The following RALYL variants were observed in gnomAD, a reference collection of about 807,000 sequenced individuals.
RALYL encodes RNA-binding Raly-like protein.
A neutral mutation model predicts 35.1 loss-of-function variants in RALYL; 29 were observed. The observed-to-expected ratio is 0.83, with a 90% CI of 0.61 to 1.13. The LOEUF is 1.13. Ranked by LOEUF, RALYL falls within the 50% of genes most tolerant of loss-of-function variation. RALYL has a pLI of 0.00. For missense variants in RALYL, 359 were observed against 360.4 expected, an observed-to-expected ratio of 1.00 and a Z score of 0.03; for synonymous variants, 120 against 127.6, an observed-to-expected ratio of 0.94 and a Z score of 0.40.
intron 1 of RALYL, among the ~76,000 whole-genome samples, chr8:84,220,148 T>C (rs1271370334): frequency 1.3e-5 from 2 of 152,046 alleles, no homozygotes; most frequent in Non-Finnish European, 2.9e-5. Flanking sequence ...GGTAATATAG[T>C]GCTCACTCCT....
intron 2 of RALYL, among the ~76,000 whole-genome samples, chr8:84,759,133 C>T (rs957373421): frequency 4.6e-5 from 7 of 152,168 alleles, no homozygotes; most frequent in African/African-American, 4.8e-5. Flanking sequence ...CTCTTCCAAA[C>T]GTAAAGACAC....
At chr8:84,287,981 C>T (rs1181532366) in intron 1 of RALYL, among the ~76,000 whole-genome samples, 1 of 151,958 alleles carries the variant, frequency 6.6e-6, no homozygotes, top group Non-Finnish European at 1.5e-5. Context: ...CAGAGCTGTG[C>T]AAAGAAAGAA....
chr8:84,213,223 T>C (rs2131195352), intron 1 of RALYL, among the ~76,000 whole-genome samples: 1 of 152,266 alleles, frequency 6.6e-6, no homozygotes, highest in South Asian at 2.1e-4. Flanking sequence ...AAACCCCATC[T>C]GTACTAAAAG....
chr8:84,725,141 T>A (rs1844700369), intron 2 of RALYL, among the ~76,000 whole-genome samples: 1 of 151,668 alleles, frequency 6.6e-6, no homozygotes, highest in Admixed American at 6.6e-5. Flanking sequence ...TTTTTAATTA[T>A]CTTAGTACCA....
intron 1 of RALYL, among the ~76,000 whole-genome samples, chr8:84,355,791 A>G (rs1018243276): frequency 1.3e-5 from 2 of 150,242 alleles, no homozygotes; most frequent in Non-Finnish European, 3.0e-5. Flanking sequence ...TCTGATTAGA[A>G]GTTGGAGGTG....
chr8:84,814,969 G>T (rs1048083682), intron 4 of RALYL, among the ~76,000 whole-genome samples: 2 of 152,192 alleles, frequency 1.3e-5, no homozygotes, highest in African/African-American at 2.4e-5. Flanking sequence ...TACCAGTGGG[G>T]CCTGGGAGCC....
chr8:84,227,410 C>T (rs1824205874), intron 1 of RALYL, among the ~76,000 whole-genome samples: 1 of 152,090 alleles, frequency 6.6e-6, no homozygotes, highest in African/African-American at 2.4e-5. Flanking sequence ...TTGAAAGCCA[C>T]TGTTCTAGGT....
chr8:84,633,673 C>T (rs1256611660), intron 2 of RALYL, among the ~76,000 whole-genome samples: 1 of 151,772 alleles, frequency 6.6e-6, no homozygotes, highest in South Asian at 2.1e-4. Context: ...TTACATATGA[C>T]ATTTGGGAAA....
chr8:84,862,493 G>C, intron 6 of RALYL, 40 bp downstream of exon 6: 1 of 1,474,764 alleles, frequency 6.8e-7, no homozygotes, highest in South Asian at 1.4e-5. Flanking sequence ...TTAAAGAAGG[G>C]AGTGATTAAC....
At chr8:84,827,350 A>G (rs1212615276) in intron 4 of RALYL, among the ~76,000 whole-genome samples, 2 of 152,144 alleles carry the variant, frequency 1.3e-5, no homozygotes, top group Non-Finnish European at 2.9e-5. Context: ...GACCCAAACT[A>G]AAACAGTTTA....
intron 2 of RALYL, among the ~76,000 whole-genome samples, chr8:84,662,004 T>C (rs752444202): frequency 1.4e-4 from 22 of 152,154 alleles, no homozygotes; most frequent in Non-Finnish European, 2.8e-4. Context: ...AGGTAGCTTT[T>C]CTCATAATCT....
intron 1 of RALYL, among the ~76,000 whole-genome samples, chr8:84,471,296 C>T (rs1212138038): frequency 6.6e-6 from 1 of 152,004 alleles, no homozygotes. Flanking sequence ...ACAACAACAA[C>T]AACCAGCCAG....
intron 1 of RALYL, among the ~76,000 whole-genome samples, chr8:84,481,971 T>A (rs1410063491): frequency 2.6e-5 from 4 of 152,110 alleles, no homozygotes; most frequent in Non-Finnish European, 4.4e-5. Flanking sequence ...AAATGATACC[T>A]CATTTGTAAA....
chr8:84,549,295 AGT>A (rs2060562890), intron 2 of RALYL, among the ~76,000 whole-genome samples: 1 of 152,220 alleles, frequency 6.6e-6, no homozygotes, highest in South Asian at 2.1e-4. Context: ...TTACTGTGAT[AGT>A]GTGAGCTAGA....
At chr8:84,316,839 A>T (rs1843850133) in intron 1 of RALYL, among the ~76,000 whole-genome samples, 1 of 152,204 alleles carries the variant, frequency 6.6e-6, no homozygotes, top group Non-Finnish European at 1.5e-5. Context: ...TCTTTTAAAA[A>T]ATAAAACATC....
chr8:84,665,620 G>T (rs926655499), intron 2 of RALYL: 1 of 151,948 alleles, frequency 6.6e-6, no homozygotes, highest in Non-Finnish European at 1.5e-5. Context: ...TTCTCTAATG[G>T]TTGTTTGTAT....
intron 2 of RALYL, among the ~76,000 whole-genome samples, chr8:84,749,854 C>T (rs1809533201): frequency 6.6e-6 from 1 of 152,184 alleles, no homozygotes; most frequent in Admixed American, 6.5e-5. Flanking sequence ...CATTGTAAGT[C>T]AGAAAGCTGC....
At chr8:84,842,388 G>A (rs1008654817) in intron 4 of RALYL, among the ~76,000 whole-genome samples, 5 of 152,204 alleles carry the variant, frequency 3.3e-5, no homozygotes, top group East Asian at 1.9e-4. Flanking sequence ...TAAATTCCTC[G>A]ACACATACAC....
At chr8:84,310,536 G>A (rs1842570285) in intron 1 of RALYL, among the ~76,000 whole-genome samples, 1 of 151,920 alleles carries the variant, frequency 6.6e-6, no homozygotes, top group Non-Finnish European at 1.5e-5. Context: ...GGAAATGAAC[G>A]AAAGGGATTA....
Sources: allele counts gnomAD v4.1 joint callset (sites outside exome capture counted in the v4.1 genomes callset), GRCh38; gene constraint gnomAD v4.1.1; transcripts MANE v1.5; gene names NCBI Gene and HGNC (gene_info 2026-07-23, HGNC 2026-07-21).